SLC35F1: variants seen among roughly 807,000 people sequenced by gnomAD.
SLC35F1 encodes the protein chromosome 6 open reading frame 169.
Under a neutral mutation model 48.7 loss-of-function variants are expected in SLC35F1, and 14 were observed. The observed-to-expected ratio is 0.29, with a 90% CI of 0.19 to 0.45. The LOEUF (loss-of-function observed/expected upper bound fraction) is 0.45. Ranked by LOEUF, SLC35F1 falls within the 20% of genes least tolerant of loss-of-function variation. The pLI is 1.00. For synonymous variants in SLC35F1, 190 were observed against 202.2 expected (o/e 0.94, Z 0.51); for missense variants, 404 against 500.0 (o/e 0.81, Z 1.83).
Position 117,944,586 on chromosome 6 carries a change from T to TACACACACACAC in SLC35F1, c.173+36692_173+36693insCACACACACACA, listed in dbSNP as rs373551582. Among the ~76,000 whole-genome samples, 493 of 146,354 alleles carry TACACACACACAC rather than the reference T, an allele frequency of 3.4e-3. 1 individual carries two copies. The highest frequency in any genetic ancestry group is 0.014 in the Middle Eastern group (4 of 288). On this transcript the variant is annotated intron_variant, in intron 1 of 7. Transcript: ENST00000360388. ...ATCCCCCTCTCCCAAAACACACACATACACATACACACACACACACACACA... is the reference window on the plus strand; with the variant it reads ...ATCCCCCTCTCCCAAAACACACACATACACACACACACACACATACACACACACACACACACA...
At chr6:118,262,813 G>T (rs553559640) in intron 3 of SLC35F1, among the ~76,000 whole-genome samples, 2 of 152,272 alleles carry the variant, frequency 1.3e-5, no homozygotes, top group East Asian at 1.9e-4. Context: ...CAAGCTGGGC[G>T]CTGTGGCTCA....
At chr6:118,019,616 C>T (rs1346304443) in intron 1 of SLC35F1, among the ~76,000 whole-genome samples, 1 of 150,068 alleles carries the variant, frequency 6.7e-6, no homozygotes, top group East Asian at 1.9e-4. Flanking sequence ...AGCAAGACTT[C>T]GTCTCAAAAA....
At chr6:118,147,624 A>G (rs1773994720) in intron 1 of SLC35F1, among the ~76,000 whole-genome samples, 1 of 152,174 alleles carries the variant, frequency 6.6e-6, no homozygotes, top group Non-Finnish European at 1.5e-5. Context: ...GAACTCATGG[A>G]GCCAGGGGCT....
intron 1 of SLC35F1, among the ~76,000 whole-genome samples, chr6:118,142,565 AT>A (rs74384532): frequency 0.48 from 72,150 of 151,732 alleles, 18,430 homozygotes; most frequent in Middle Eastern, 0.62. Flanking sequence ...ATATTTATTC[AT>A]TTTTTTTGTT....
chr6:118,287,715 T>C (rs554284517), intron 7 of SLC35F1, among the ~76,000 whole-genome samples: 1 of 152,282 alleles, frequency 6.6e-6, no homozygotes, highest in African/African-American at 2.4e-5. Context: ...TGTTCCTGTC[T>C]GGGTCTGTCC....
intron 1 of SLC35F1, among the ~76,000 whole-genome samples, chr6:117,957,003 G>A (rs1451702905): frequency 6.6e-6 from 1 of 152,190 alleles, no homozygotes; most frequent in Non-Finnish European, 1.5e-5. Context: ...TAAGCCTGCG[G>A]TGATGACTTC....
intron 1 of SLC35F1, among the ~76,000 whole-genome samples, chr6:118,130,956 T>C (rs1167824547): frequency 6.6e-6 from 1 of 152,206 alleles, no homozygotes; most frequent in African/African-American, 2.4e-5. Context: ...TTCAGAATAC[T>C]TTACAATCTT....
intron 2 of SLC35F1, among the ~76,000 whole-genome samples, chr6:118,190,737 T>C (rs1953960585): frequency 6.6e-6 from 1 of 152,152 alleles, no homozygotes; most frequent in Non-Finnish European, 1.5e-5. Context: ...ACCAAGAGTT[T>C]GCAGTATGCT....
At chr6:118,180,726 A>G (rs1774563621) in intron 2 of SLC35F1, among the ~76,000 whole-genome samples, 1 of 152,098 alleles carries the variant, frequency 6.6e-6, no homozygotes, top group Non-Finnish European at 1.5e-5. Context: ...AGAATGTGCA[A>G]TATGAACTCA....
intron 1 of SLC35F1, among the ~76,000 whole-genome samples, chr6:118,009,622 C>A (rs1460987937): frequency 1.3e-5 from 2 of 152,110 alleles, no homozygotes; most frequent in Non-Finnish European, 2.9e-5. Context: ...AATTTGAATC[C>A]TACACATCCA....
At chr6:118,194,331 A>G (rs535806092) in intron 2 of SLC35F1, among the ~76,000 whole-genome samples, 8 of 152,302 alleles carry the variant, frequency 5.3e-5, no homozygotes, top group African/African-American at 1.4e-4. Flanking sequence ...ATATTAAACC[A>G]GAAAGTACTC....
chr6:118,245,522 C>T (rs868080955), intron 3 of SLC35F1, among the ~76,000 whole-genome samples: 1 of 152,156 alleles, frequency 6.6e-6, no homozygotes, highest in Non-Finnish European at 1.5e-5. Context: ...CTCTGCTGCT[C>T]TCTCCTCCCA....
At position 118,267,142 on chromosome 6, in the gene SLC35F1, C is replaced by G. The variant is rs1416501333; in HGVS notation, c.625C>G (p.His209Asp). ...MVGADVLVGRHQGAGENKLVG... is the reference protein window; with the variant it reads ...MVGADVLVGRDQGAGENKLVG... Reference sequence around the variant, plus strand: ...GGGAGCAGATGTGCTTGTGGGAAGACATCAGGGAGCAGGTGAGTCTTCGGA... The same window carrying G: ...GGGAGCAGATGTGCTTGTGGGAAGAGATCAGGGAGCAGGTGAGTCTTCGGA... Residue 209 changes from histidine to aspartate, a missense_variant, in exon 4 of 8, where the codon CAT (histidine) becomes GAT (aspartate). Physicochemically the swap from His to Asp is moderately conservative, Grantham distance 81 (BLOSUM62 -1). Around this residue, in one of 2 missense-constraint regions of SLC35F1, gnomAD observed 306 missense variants for 419.1 expected, o/e 0.73. Transcript: ENST00000360388. 6.2e-7 allele frequency: 1 copy of G among 1,613,830 alleles called. No individual in the cohort carries two copies. The highest frequency in any genetic ancestry group is 8.5e-7 in the Non-Finnish European group (1 of 1,179,874).
At chr6:118,016,398 A>G (rs1777322821) in intron 1 of SLC35F1, among the ~76,000 whole-genome samples, 1 of 152,184 alleles carries the variant, frequency 6.6e-6, no homozygotes, top group African/African-American at 2.4e-5. Flanking sequence ...CCCATGTAAC[A>G]TTGTTTCCCA....
At chr6:117,997,633 GA>G (rs1427067568) in intron 1 of SLC35F1, among the ~76,000 whole-genome samples, 1 of 152,170 alleles carries the variant, frequency 6.6e-6, no homozygotes, top group East Asian at 1.9e-4. Context: ...CATTCTTAAA[GA>G]AAAGAATTTT....
At chr6:118,021,858 G>A (rs973835338) in intron 1 of SLC35F1, among the ~76,000 whole-genome samples, 1 of 152,174 alleles carries the variant, frequency 6.6e-6, no homozygotes, top group Non-Finnish European at 1.5e-5. Context: ...ATCTAAGATG[G>A]TCTCTCTTCC....
chr6:118,303,221 T>C (rs113970870), intron 7 of SLC35F1, among the ~76,000 whole-genome samples: 9 of 152,308 alleles, frequency 5.9e-5, no homozygotes, highest in African/African-American at 2.2e-4. Context: ...CTGATGATTG[T>C]TCATTGCTAT....
intron 5 of SLC35F1, among the ~76,000 whole-genome samples, chr6:118,276,866 C>T (rs1183505103): frequency 1.3e-5 from 2 of 152,136 alleles, no homozygotes; most frequent in Non-Finnish European, 2.9e-5. Context: ...ATATTGAGGG[C>T]TCACTGGAAT....
At position 117,923,688 on chromosome 6, in the gene SLC35F1, T is replaced by TATGTATATACATATATGTACAC. The variant is rs1562238783; in HGVS notation, c.173+15794_173+15795insTATACATATATGTACACATGTA. On this transcript the variant is annotated intron_variant, in intron 1 of 7. Coordinates refer to ENST00000360388, the MANE Select transcript of SLC35F1 (RefSeq NM_001029858.4). ...ATATACATATATGTACATATATACA[T>TATGTATATACATATATGTACAC]ATGTACATATACATATATGTACATA... Among the ~76,000 whole-genome samples, 51 of 59,800 alleles carry TATGTATATACATATATGTACAC rather than the reference T, an allele frequency of 8.5e-4. 8 individuals carry two copies. Among genetic ancestry groups the TATGTATATACATATATGTACAC allele is most frequent in the Non-Finnish European group, 1.8e-3 (43 of 23,502 alleles). 39.2% of individuals were successfully genotyped at this position (59,800 alleles called of 152,430 possible).
Sources: allele counts gnomAD v4.1 joint callset (sites outside exome capture counted in the v4.1 genomes callset), GRCh38; gene constraint gnomAD v4.1.1; regional missense constraint gnomAD v4.1.1; transcripts MANE v1.5; gene names NCBI Gene and HGNC (gene_info 2026-07-23, HGNC 2026-07-21).